Variants in MTMR14 observed in about 807,000 individuals in gnomAD.
MTMR14 encodes the protein myotubularin related protein 14.
MTMR14 carries 48 observed loss-of-function variants against 86.3 expected under a neutral mutation model. That is an observed-to-expected ratio of 0.56 (90% CI 0.44 to 0.71). The LOEUF (loss-of-function observed/expected upper bound fraction) is 0.71, where lower values mean the gene tolerates loss of function less well. MTMR14 is among the 30% of genes least tolerant of loss of function. The pLI, the probability that MTMR14 is intolerant of heterozygous loss-of-function variation, is 0.00. For synonymous variants in MTMR14, 366 were observed against 326.1 expected, an observed-to-expected ratio of 1.12 and a Z score of -1.32; for missense variants, 780 against 834.6, an observed-to-expected ratio of 0.93 and a Z score of 0.81.
chr3:9,684,424 T>C (rs893201627), intron 10 of MTMR14, among the ~76,000 whole-genome samples, 161 bp from the exon 11 acceptor site: 3 of 152,074 alleles, frequency 2.0e-5, no homozygotes, highest in African/African-American at 7.2e-5. Context: ...CACTCACCCC[T>C]TTCTGGGACT....
intron 3 of MTMR14, 61 bp from the exon 4 acceptor site, chr3:9,668,658 T>C (rs897775228): frequency 6.4e-7 from 1 of 1,568,440 alleles, no homozygotes; most frequent in Non-Finnish European, 8.8e-7. Flanking sequence ...TCCCACATGT[T>C]CCTTCAACTG....
chr3:9,671,052 G>C lies in MTMR14; in HGVS notation c.559G>C (p.Gly187Arg). 1 of 1,614,126 alleles carries C rather than the reference G, an allele frequency of 6.2e-7. No individual in the cohort carries two copies. ...CCCTCTGGCTCTTTATTTCAGAAGT[G>C]GTGACACGCATCTTTTTGATAAGGT... Reference protein sequence around the residue: ...VTEEDCALRSGDTHLFDKVRG... With the variant: ...VTEEDCALRSRDTHLFDKVRG... Residue 187 changes from glycine (G) to arginine (R), a missense_variant, in exon 6 of 19, where the codon GGT (glycine) becomes CGT (arginine). Transcript: ENST00000296003.
intron 16 of MTMR14, among the ~76,000 whole-genome samples, 184 bp from the exon 17 acceptor site, chr3:9,689,780 A>T (rs952588217): frequency 1.3e-5 from 2 of 152,260 alleles, no homozygotes; most frequent in Non-Finnish European, 2.9e-5. Flanking sequence ...TGGATGCCAC[A>T]GGCCCTCCAT....
chr3:9,651,266 T>C (rs1462896705), intron 1 of MTMR14, among the ~76,000 whole-genome samples: 2 of 151,968 alleles, frequency 1.3e-5, no homozygotes, highest in South Asian at 2.1e-4. Context: ...CATGCCTGGC[T>C]AATTTTTCTT....
chr3:9,663,501 CTTT>C (rs4021721), intron 3 of MTMR14, among the ~76,000 whole-genome samples: 1,030 of 69,546 alleles, frequency 0.015, 10 homozygotes, highest in African/African-American at 0.046. Flanking sequence ...GAGTCTCTCT[CTTT>C]TTTTTTTTTT....
intron 9 of MTMR14, among the ~76,000 whole-genome samples, chr3:9,680,760 C>T (rs575847078): frequency 1.2e-3 from 183 of 152,332 alleles, no homozygotes; most frequent in African/African-American, 4.3e-3. Flanking sequence ...TGGCGTGAAC[C>T]CGGGAGGCGG....
intron 10 of MTMR14, among the ~76,000 whole-genome samples, chr3:9,684,074 G>A (rs774509534): frequency 2.6e-5 from 4 of 152,152 alleles, no homozygotes; most frequent in African/African-American, 4.8e-5. Flanking sequence ...CTCTAGCTGC[G>A]GGCATTAGCA....
chr3:9,685,654 A>T (rs911148434), intron 13 of MTMR14, among the ~76,000 whole-genome samples: 4 of 151,962 alleles, frequency 2.6e-5, no homozygotes, highest in African/African-American at 4.8e-5. Context: ...CCCTTCAGCC[A>T]CTTTTCAATG....
At position 9,671,183 on chromosome 3, in the gene MTMR14, G is replaced by A. The variant is rs768568947; in HGVS notation, c.677+13G>A. 9.3e-6 allele frequency: 15 copies of A among 1,614,012 alleles called. No homozygotes were observed. Among genetic ancestry groups the A allele is most frequent in the Middle Eastern group, 1.6e-4 (1 of 6,082 alleles). On this transcript the variant is annotated intron_variant, in intron 6 of 18. Transcript: ENST00000296003. The stretch of plus-strand genomic sequence containing the variant: ...AGTTTGGCATGAAGTAAGTACAGGC[G>A]CCCACTACAAAATGAGCAGAGGCAG...
intron 17 of MTMR14, among the ~76,000 whole-genome samples, chr3:9,690,655 G>A (rs4684650): frequency 0.083 from 12,672 of 152,302 alleles, 543 homozygotes; most frequent in Middle Eastern, 0.12. Context: ...TGGCTGAAGG[G>A]CGCTGCAGGA....
At chr3:9,681,391 C>A (rs2075763412) in intron 9 of MTMR14, among the ~76,000 whole-genome samples, 1 of 152,218 alleles carries the variant, frequency 6.6e-6, no homozygotes, top group South Asian at 2.1e-4. Flanking sequence ...AGTCCCTGAA[C>A]ACTAAGCCTT....
chr3:9,680,670 CCA>C (rs537616280), intron 9 of MTMR14, among the ~76,000 whole-genome samples: 13 of 152,162 alleles, frequency 8.5e-5, no homozygotes, highest in Non-Finnish European at 1.2e-4. Context: ...ACAGTGAAAC[CCA>C]ATCTCTACTA....
intron 7 of MTMR14, among the ~76,000 whole-genome samples, chr3:9,676,531 T>C (rs2075583919): frequency 6.6e-6 from 1 of 152,256 alleles, no homozygotes; most frequent in Non-Finnish European, 1.5e-5. Context: ...ACCAGTGCAG[T>C]GCTAGGTGTT....
intron 1 of MTMR14, chr3:9,650,468 T>A (rs1445685286): frequency 2.3e-6 from 1 of 440,830 alleles, no homozygotes; most frequent in Non-Finnish European, 4.6e-6. Context: ...AGCACCAAGT[T>A]TTCCAGTGGA....
chr3:9,657,938 A>G (rs185675761), intron 2 of MTMR14, among the ~76,000 whole-genome samples: 25 of 152,296 alleles, frequency 1.6e-4, no homozygotes, highest in Admixed American at 1.4e-3. Flanking sequence ...AGTGGGGTTA[A>G]AAGCTGTATT....
Position 9,669,436 on chromosome 3 carries a change from T to C in MTMR14, c.498T>C (p.Gly166=), listed in dbSNP as rs1289348270. The change falls in exon 5 of 19, where the codon GGT becomes GGC. Residue 166 remains glycine, a synonymous_variant. Transcript: ENST00000296003. ...ACAGATAGGTTTCTCTGGCAGGGGG[T>C]GCAGATGATGCCTGGGCAGATGTGG... ...RSGYNYFFSG[G]ADDAWADVED... 1 of 1,613,770 alleles carries C rather than the reference T, an allele frequency of 6.2e-7. No individual in the cohort carries two copies. The highest frequency in any genetic ancestry group is 1.7e-5 in the Admixed American group (1 of 60,002).
At chr3:9,669,383 G>A (rs977661268) in intron 4 of MTMR14, 49 bp from the exon 5 acceptor site, 16 of 1,600,326 alleles carry the variant, frequency 1.0e-5, no homozygotes, top group Middle Eastern at 1.7e-4. Context: ...CCCCTGTGTG[G>A]AGCCCTGGGT....
chr3:9,680,632 G>T (rs560987868), intron 9 of MTMR14, among the ~76,000 whole-genome samples: 9 of 152,272 alleles, frequency 5.9e-5, no homozygotes, highest in East Asian at 3.9e-4. Context: ...GATCACGAGG[G>T]CAGGAGATCG....
Position 9,653,670 on chromosome 3 carries a change from GT to G in MTMR14, c.212del (p.Phe71SerfsTer3). 1.2e-6 allele frequency: 2 copies of G among 1,614,160 alleles called. No individual in the cohort carries two copies. Among genetic ancestry groups the G allele is most frequent in the Non-Finnish European group, 1.7e-6 (2 of 1,180,038 alleles). On this transcript the variant is annotated frameshift_variant, in exon 2 of 19. Coordinates refer to ENST00000296003, the MANE Select transcript of MTMR14 (RefSeq NM_001077525.3). LOFTEE classifies it high-confidence loss of function. ...CTGGAGCTGTTTGGCCGAGACTACTGTTTCAGCGTGATTCCAAACACGAATG... is the reference window on the plus strand; with the variant it reads ...CTGGAGCTGTTTGGCCGAGACTACTGTTCAGCGTGATTCCAAACACGAATG... ...RCLELFGRDY[C>X]FSVIPNTNGD...
Sources: gnomAD v4.1 joint callset for allele counts (sites outside exome capture counted in the v4.1 genomes callset) on GRCh38, gnomAD v4.1.1 for gene constraint, MANE v1.5 for transcripts, NCBI Gene and HGNC (gene_info 2026-07-23, HGNC 2026-07-21) for gene names.